CNTN5: variants seen among roughly 807,000 people sequenced by gnomAD.
CNTN5 encodes contactin-5.
A neutral mutation model predicts 129.1 loss-of-function variants in CNTN5; 77 were observed. That is an observed-to-expected ratio of 0.60 (90% CI 0.50 to 0.72). The LOEUF (loss-of-function observed/expected upper bound fraction) is 0.72. Among genes scored for constraint, CNTN5 ranks in the 30% least tolerant of loss-of-function variants. The probability of loss-of-function intolerance (pLI) is 0.00; values close to 1 mark genes in which losing one functional copy is unlikely to be tolerated. For missense variants in CNTN5, 1,478 were observed against 1,328.8 expected (o/e 1.11, Z -1.75); for synonymous variants, 509 against 465.6 (o/e 1.09, Z -1.20).
chr11:100,199,174 C>T (rs1160127511), intron 15 of CNTN5, among the ~76,000 whole-genome samples: 1 of 151,910 alleles, frequency 6.6e-6, no homozygotes, highest in Admixed American at 6.6e-5. Flanking sequence ...GTCCTGGAGC[C>T]ATTTCACCAC....
At chr11:99,588,170 C>A (rs529518494) in intron 3 of CNTN5, among the ~76,000 whole-genome samples, 21 of 151,982 alleles carry the variant, frequency 1.4e-4, no homozygotes, top group African/African-American at 5.1e-4. Context: ...GGTGAAACCC[C>A]GTCTCTACTA....
In CNTN5 at chr11:99,169,575, C is replaced by A. The variant is rs187876810; in HGVS notation, c.-210+148305C>A. On this transcript the variant is annotated intron_variant, in intron 1 of 24. Transcript: ENST00000524871. ...ATAATGATCCTTACAAGTATTTGAT[C>A]CACTGAGGAAAGAGAAGAAGCTGTT... Among the ~76,000 whole-genome samples, 3 of 152,146 alleles carry A rather than the reference C, an allele frequency of 2.0e-5. No homozygotes were observed. The East Asian group carries it at 5.8e-4, about 29-fold the overall frequency.
At chr11:99,161,509 G>T (rs1279990739) in intron 1 of CNTN5, among the ~76,000 whole-genome samples, 1 of 151,978 alleles carries the variant, frequency 6.6e-6, no homozygotes, top group Non-Finnish European at 1.5e-5. Flanking sequence ...GGATGTCTTT[G>T]AGCTCCCAAA....
At chr11:99,197,796 AT>A (rs758982159) in intron 1 of CNTN5, among the ~76,000 whole-genome samples, 10 of 152,086 alleles carry the variant, frequency 6.6e-5, no homozygotes, top group Non-Finnish European at 1.2e-4. Context: ...ATTGGATAAT[AT>A]TAGGTACAAG....
At chr11:99,885,023 C>G (rs1948864412) in intron 6 of CNTN5, among the ~76,000 whole-genome samples, 1 of 152,086 alleles carries the variant, frequency 6.6e-6, no homozygotes. Flanking sequence ...TGGCTCACAC[C>G]TGTAATGACA....
At chr11:99,235,506 G>T (rs1286325086) in intron 1 of CNTN5, among the ~76,000 whole-genome samples, 2 of 152,028 alleles carry the variant, frequency 1.3e-5, no homozygotes, top group Non-Finnish European at 2.9e-5. Context: ...AGCTATTCAA[G>T]TATTTTTGAA....
At chr11:100,154,532 A>G (rs1482377683) in intron 13 of CNTN5, among the ~76,000 whole-genome samples, 3 of 152,302 alleles carry the variant, frequency 2.0e-5, no homozygotes, top group Non-Finnish European at 4.4e-5. Context: ...CTTTGGGTAT[A>G]TAAGCAGTAG....
At chr11:99,792,279 C>A (rs1945772749) in intron 3 of CNTN5, among the ~76,000 whole-genome samples, 2 of 152,072 alleles carry the variant, frequency 1.3e-5, no homozygotes, top group Non-Finnish European at 2.9e-5. Context: ...TCTTCAATGC[C>A]TAATTTCTTG....
intron 1 of CNTN5, among the ~76,000 whole-genome samples, chr11:99,147,586 A>G (rs1318277231): frequency 6.6e-6 from 1 of 152,188 alleles, no homozygotes; most frequent in African/African-American, 2.4e-5. Context: ...TATGAATAAT[A>G]TGTTTTTGAG....
At chr11:99,559,035 G>A (rs1205264764) in intron 3 of CNTN5, among the ~76,000 whole-genome samples, 1 of 151,944 alleles carries the variant, frequency 6.6e-6, no homozygotes, top group Non-Finnish European at 1.5e-5. Flanking sequence ...TATTTCAGAG[G>A]TGGAGCCCCT....
At chr11:100,222,957 A>C (rs2138624214) in intron 15 of CNTN5, among the ~76,000 whole-genome samples, 1 of 151,420 alleles carries the variant, frequency 6.6e-6, no homozygotes, top group East Asian at 2.0e-4. Context: ...TTGAAACTAA[A>C]TTATTGTTTA....
At chr11:99,177,665 A>G (rs1348566402) in intron 1 of CNTN5, among the ~76,000 whole-genome samples, 2 of 152,178 alleles carry the variant, frequency 1.3e-5, no homozygotes, top group Non-Finnish European at 2.9e-5. Flanking sequence ...GTACATAGTT[A>G]CGTGTCTGGA....
chr11:99,727,537 C>G (rs1477781733), intron 3 of CNTN5, among the ~76,000 whole-genome samples: 5 of 151,756 alleles, frequency 3.3e-5, no homozygotes, highest in Admixed American at 6.6e-5. Flanking sequence ...TTGTAAGCAT[C>G]AAATTTTCCT....
intron 1 of CNTN5, among the ~76,000 whole-genome samples, chr11:99,132,684 A>G (rs1167712991): frequency 6.6e-6 from 1 of 152,168 alleles, no homozygotes; most frequent in African/African-American, 2.4e-5. Flanking sequence ...ATACCTGGGA[A>G]TACAACTAAC....
chr11:99,958,036 G>T (rs1950848514), intron 8 of CNTN5, among the ~76,000 whole-genome samples: 1 of 151,844 alleles, frequency 6.6e-6, no homozygotes, highest in Non-Finnish European at 1.5e-5. Flanking sequence ...AACACCATCA[G>T]GTAAAGGGTA....
intron 1 of CNTN5, among the ~76,000 whole-genome samples, chr11:99,269,942 T>TG: frequency 6.6e-6 from 1 of 151,920 alleles, no homozygotes; most frequent in African/African-American, 2.4e-5. Flanking sequence ...ACACTCTACT[T>TG]GGGAAAAAAT....
At chr11:99,097,851 A>T (rs1242403582) in intron 1 of CNTN5, among the ~76,000 whole-genome samples, 1 of 152,004 alleles carries the variant, frequency 6.6e-6, no homozygotes. Flanking sequence ...ACCTGTATAA[A>T]TTGAAGGTAA....
chr11:99,584,203 TGGGGG>T (rs1388369130), intron 3 of CNTN5, among the ~76,000 whole-genome samples: 2 of 152,162 alleles, frequency 1.3e-5, no homozygotes, highest in African/African-American at 4.8e-5. Context: ...TGTTCCCTTT[TGGGGG>T]ACAAAGTATA....
At chr11:99,666,015 A>C (rs182492214) in intron 3 of CNTN5, among the ~76,000 whole-genome samples, 153 of 151,728 alleles carry the variant, frequency 1.0e-3, no homozygotes, top group Non-Finnish European at 1.8e-3. Flanking sequence ...CCCAGCCTGG[A>C]GGGCAGTGGC....
Sources: allele counts gnomAD v4.1 joint callset (sites outside exome capture counted in the v4.1 genomes callset), GRCh38; gene constraint gnomAD v4.1.1; transcripts MANE v1.5; gene names NCBI Gene and HGNC (gene_info 2026-07-23, HGNC 2026-07-21).